EXOC2: variants seen among roughly 807,000 people sequenced by gnomAD.
The protein encoded by EXOC2 is SEC5-like 1.
Under a neutral mutation model 131.8 loss-of-function variants are expected in EXOC2, and 70 were observed. That is an observed-to-expected ratio of 0.53 (90% CI 0.44 to 0.65). The LOEUF is 0.65. Among genes scored for constraint, EXOC2 ranks in the 30% least tolerant of loss-of-function variants. EXOC2 has a pLI of 0.00. For missense variants in EXOC2, 923 were observed against 1,108.6 expected (o/e 0.83, Z 2.38); for synonymous variants, 411 against 398.4 (o/e 1.03, Z -0.38).
Position 619,560 on chromosome 6 carries a change from T to A in EXOC2, c.423-17A>T. The A allele has an allele frequency of 6.4e-7, 1 of 1,564,524 alleles. No homozygotes were observed. Among genetic ancestry groups the A allele is most frequent in the South Asian group, 1.1e-5 (1 of 89,944 alleles). On this transcript the variant is annotated splice_polypyrimidine_tract_variant and intron_variant, in intron 4 of 27. Coordinates refer to ENST00000230449, the MANE Select transcript of EXOC2 (RefSeq NM_018303.6). Reference sequence around the variant, plus strand: ...AATTTACTTCTGAGGGGAAAAAACGTTTAAAATATATTTCAATGGTTATTA... The same window carrying A: ...AATTTACTTCTGAGGGGAAAAAACGATTAAAATATATTTCAATGGTTATTA...
intron 1 of EXOC2, among the ~76,000 whole-genome samples, chr6:680,190 T>C (rs1017347796): frequency 7.2e-5 from 11 of 152,208 alleles, no homozygotes; most frequent in African/African-American, 2.2e-4. Context: ...CTTTAAAGCA[T>C]TGTATCATTT....
At chr6:684,435 G>A (rs368772278) in intron 1 of EXOC2, among the ~76,000 whole-genome samples, 40 of 152,136 alleles carry the variant, frequency 2.6e-4, no homozygotes, top group African/African-American at 9.4e-4. Flanking sequence ...CAGGTCAAAA[G>A]AGAAAATTAC....
chr6:564,214 C>T, intron 15 of EXOC2, 60 bp from the exon 16 acceptor site: 11 of 1,585,282 alleles, frequency 6.9e-6, no homozygotes, highest in Non-Finnish European at 9.4e-6. Context: ...CAATCCCTAG[C>T]ATCTCTTTCA....
In EXOC2 at chr6:564,073, T is replaced by C; in HGVS notation, c.1749A>G (p.Arg583=). Residue 583 remains arginine, a synonymous_variant, in exon 16 of 28, where the codon CGA becomes CGG. Coordinates refer to ENST00000230449, the MANE Select transcript of EXOC2 (RefSeq NM_018303.6). ...GCAACGTGGCCATTACGCAACGTAC[T>C]CGGAGATCCAAGATGAGATCCTGGA... is the stretch of plus-strand genomic sequence containing the variant. The part of the protein sequence containing the change: ...QTIQDLILDL[R]VRCVMATLQH... 6.2e-7 allele frequency: 1 copy of C among 1,614,154 alleles called. No individual in the cohort carries two copies. The highest frequency in any genetic ancestry group is 1.1e-5 in the South Asian group (1 of 91,074).
chr6:691,736 C>T (rs140879048), intron 1 of EXOC2, among the ~76,000 whole-genome samples: 3 of 152,238 alleles, frequency 2.0e-5, no homozygotes, highest in African/African-American at 4.8e-5. Flanking sequence ...AACTGTAGTT[C>T]AAAATGGCAT....
At chr6:507,291 G>A (rs1764613341) in intron 23 of EXOC2, among the ~76,000 whole-genome samples, 2 of 84,840 alleles carry the variant, frequency 2.4e-5, no homozygotes, top group East Asian at 7.0e-4. Flanking sequence ...ACACAGCAGT[G>A]ACTACACACA....
chr6:655,923 A>T, intron 1 of EXOC2: 1 of 525,868 alleles, frequency 1.9e-6, no homozygotes, highest in Non-Finnish European at 3.4e-6. Flanking sequence ...AATAAACAAA[A>T]CATGAACTAC....
chr6:690,510 G>T (rs1480029282), intron 1 of EXOC2, among the ~76,000 whole-genome samples: 1 of 152,030 alleles, frequency 6.6e-6, no homozygotes, highest in East Asian at 1.9e-4. Context: ...ACCGTCACGA[G>T]GATCGCGACG....
chr6:498,804 T>C (rs1232372888), intron 24 of EXOC2, among the ~76,000 whole-genome samples: 1 of 152,190 alleles, frequency 6.6e-6, no homozygotes, highest in African/African-American at 2.4e-5. Context: ...CTTGGATGCT[T>C]GTCGCCCAAG....
chr6:508,299 T>A (rs536570872), intron 23 of EXOC2, among the ~76,000 whole-genome samples: 1 of 152,202 alleles, frequency 6.6e-6, no homozygotes, highest in Non-Finnish European at 1.5e-5. Context: ...TACACTGACA[T>A]GTGTCATTAT....
intron 23 of EXOC2, among the ~76,000 whole-genome samples, chr6:502,670 A>C (rs1358588742): frequency 6.6e-6 from 1 of 150,506 alleles, no homozygotes; most frequent in East Asian, 2.0e-4. Flanking sequence ...TGTGGGCAGA[A>C]AATTTGGAAA....
In EXOC2 at chr6:576,783, C is replaced by T; in HGVS notation, c.1292G>A (p.Ser431Asn). 1 of 1,614,134 alleles carries T rather than the reference C, an allele frequency of 6.2e-7. No individual in the cohort carries two copies. The highest frequency in any genetic ancestry group is 8.5e-7 in the Non-Finnish European group (1 of 1,180,006). ...GTCGTCTCGACCAGACTGAAAGCTG[C>T]TGCCCCTCTTCAGGGACGCTGTCTG... ...LSQTASLKRGSSFQSGRDDTW... is the reference protein window; with the variant it reads ...LSQTASLKRGNSFQSGRDDTW... The change falls in exon 12 of 28, where the codon AGC (serine) becomes AAC (asparagine). Residue 431 changes from serine (S) to asparagine (N), a missense_variant. By Grantham distance (46) the Ser-to-Asn change is conservative. Coordinates refer to ENST00000230449, the MANE Select transcript of EXOC2 (RefSeq NM_018303.6).
intron 23 of EXOC2, among the ~76,000 whole-genome samples, chr6:519,121 ACCACCCACCGAGCGCCGACAC>A: frequency 7.2e-6 from 1 of 139,116 alleles, no homozygotes; most frequent in African/African-American, 2.7e-5. Context: ...GACGAAAACC[ACCACCCACCGAGCGCCGACAC>A]TCACCGTCCA....
chr6:617,438 G>A (rs556417537), intron 6 of EXOC2, among the ~76,000 whole-genome samples: 24 of 152,214 alleles, frequency 1.6e-4, no homozygotes, highest in African/African-American at 5.3e-4. Flanking sequence ...ATTTAATTTC[G>A]TATCAGCCCT....
intron 23 of EXOC2, among the ~76,000 whole-genome samples, chr6:532,112 A>C (rs1239919641): frequency 1.3e-5 from 2 of 152,262 alleles, no homozygotes; most frequent in Non-Finnish European, 2.9e-5. Context: ...TCTTTAATAC[A>C]TTTTTTGATG....
chr6:613,977 G>A (rs1455792357), intron 6 of EXOC2, among the ~76,000 whole-genome samples: 1 of 152,080 alleles, frequency 6.6e-6, no homozygotes, highest in East Asian at 1.9e-4. Flanking sequence ...ATTTCTAAAA[G>A]GTTACAAAGA....
intron 6 of EXOC2, among the ~76,000 whole-genome samples, chr6:615,367 A>C (rs1760942021): frequency 6.6e-6 from 1 of 152,160 alleles, no homozygotes; most frequent in African/African-American, 2.4e-5. Context: ...AGCACTATCC[A>C]TGCCTAAAAG....
intron 25 of EXOC2, among the ~76,000 whole-genome samples, chr6:492,914 T>C (rs1192294177): frequency 1.3e-5 from 2 of 152,210 alleles, no homozygotes; most frequent in Non-Finnish European, 2.9e-5. Context: ...ATGTGAAATA[T>C]TTCATAAAAG....
At chr6:496,337 C>T (rs569712371) in intron 25 of EXOC2, among the ~76,000 whole-genome samples, 1 of 152,212 alleles carries the variant, frequency 6.6e-6, no homozygotes, top group Non-Finnish European at 1.5e-5. Context: ...TAATATATCT[C>T]TAAGGACTGT....
Sources: gnomAD v4.1 joint callset for allele counts (sites outside exome capture counted in the v4.1 genomes callset) on GRCh38, gnomAD v4.1.1 for gene constraint, MANE v1.5 for transcripts, NCBI Gene and HGNC (gene_info 2026-07-23, HGNC 2026-07-21) for gene names.